Variants in GLG1 observed in about 807,000 individuals in gnomAD.
GLG1 encodes golgi glycoprotein 1.
In GLG1, 38 loss-of-function variants were observed where a neutral mutation model predicts 160.5. That is an observed-to-expected ratio of 0.24 (90% CI 0.18 to 0.31). GLG1 has a LOEUF of 0.31. Among genes scored for constraint, GLG1 ranks in the 10% least tolerant of loss-of-function variants. The pLI, the probability that GLG1 is intolerant of heterozygous loss-of-function variation, is 1.00. For synonymous variants in GLG1, 644 were observed against 543.4 expected (o/e 1.19, Z -2.57); for missense variants, 1,373 against 1,505.2 (o/e 0.91, Z 1.45).
chr16:74,542,526 C>G (rs184817042), intron 1 of GLG1, among the ~76,000 whole-genome samples: 3 of 151,572 alleles, frequency 2.0e-5, no homozygotes, highest in Admixed American at 6.6e-5. Flanking sequence ...AAAAAATTAG[C>G]TGGGCATGGT....
At chr16:74,585,395 C>T (rs571200605) in intron 1 of GLG1, among the ~76,000 whole-genome samples, 2 of 151,990 alleles carry the variant, frequency 1.3e-5, no homozygotes, top group South Asian at 2.1e-4. Flanking sequence ...GGCAACAGAG[C>T]GAGACTCTGT....
chr16:74,599,808 G>A (rs1361447774), intron 1 of GLG1, among the ~76,000 whole-genome samples: 3 of 151,830 alleles, frequency 2.0e-5, no homozygotes, highest in Non-Finnish European at 2.9e-5. Flanking sequence ...AGCTTGCAGT[G>A]AGCCGAGATC....
At chr16:74,543,394 G>A (rs1272606557) in intron 1 of GLG1, among the ~76,000 whole-genome samples, 1 of 152,212 alleles carries the variant, frequency 6.6e-6, no homozygotes, top group South Asian at 2.1e-4. Flanking sequence ...TTAAGACCAG[G>A]AGTTGGAGGC....
intron 22 of GLG1, 112 bp downstream of exon 22, chr16:74,461,982 T>G: frequency 1.6e-6 from 1 of 635,372 alleles, no homozygotes; most frequent in Non-Finnish European, 2.8e-6. Context: ...GAAGATGGCC[T>G]TCAATTCACC....
chr16:74,543,901 G>T (rs374931428), intron 1 of GLG1, among the ~76,000 whole-genome samples: 5 of 146,568 alleles, frequency 3.4e-5, no homozygotes, highest in South Asian at 4.3e-4. Context: ...GTGAGAATAG[G>T]GGGGAGATGG....
chr16:74,463,489 AAC>A lies in GLG1; in HGVS notation c.2668-12_2668-11del, dbSNP rs1359673805. The A allele has an allele frequency of 6.2e-7, 1 of 1,613,574 alleles. No homozygotes were observed. The highest frequency in any genetic ancestry group is 8.5e-7 in the Non-Finnish European group (1 of 1,179,764). On this transcript the variant is annotated splice_polypyrimidine_tract_variant and intron_variant, in intron 19 of 25. Transcript: ENST00000422840. ...CTTCCGGACAGAACCTCTGCAAAGA[AAC>A]AGTTTGATAAAAACAGCTATCTAAA...
At chr16:74,471,518 T>TC (rs1354493578) in intron 14 of GLG1, among the ~76,000 whole-genome samples, 1 of 152,182 alleles carries the variant, frequency 6.6e-6, no homozygotes, top group African/African-American at 2.4e-5. Flanking sequence ...GCTTTTTTTT[T>TC]CACTTTCCGA....
intron 1 of GLG1, among the ~76,000 whole-genome samples, chr16:74,538,728 A>AT (rs58959074): frequency 0.13 from 16,550 of 129,642 alleles, 935 homozygotes; most frequent in Non-Finnish European, 0.14. Flanking sequence ...AGATTTTGAG[A>AT]TTTTTTTTTT....
intron 1 of GLG1, among the ~76,000 whole-genome samples, chr16:74,574,065 G>A (rs2018917099): frequency 6.6e-6 from 1 of 152,100 alleles, no homozygotes; most frequent in South Asian, 2.1e-4. Context: ...GCGTGTGCAC[G>A]CGCACACATA....
chr16:74,469,689 C>G, intron 16 of GLG1: 1 of 400,250 alleles, frequency 2.5e-6, no homozygotes, highest in Non-Finnish European at 4.6e-6. Context: ...TTCACTCACA[C>G]TGCACCCTGC....
At position 74,508,814 on chromosome 16, in the gene GLG1, T is replaced by C. The variant is rs778516199; in HGVS notation, c.558+25A>G. On this transcript the variant is annotated intron_variant, in intron 3 of 25. Coordinates refer to ENST00000422840, the MANE Select transcript of GLG1 (RefSeq NM_001145667.2). ...ATTTTCTCCTCTAAGCCATTAGTTGTCTACAAAATTCTTTGACAACTTACC... is the reference window on the plus strand; with the variant it reads ...ATTTTCTCCTCTAAGCCATTAGTTGCCTACAAAATTCTTTGACAACTTACC... 1.9e-5 allele frequency: 18 copies of C among 950,854 alleles called. No individual in the cohort carries two copies. In the South Asian group the frequency reaches 2.2e-4, roughly 12 times the overall value. 58.9% of individuals were successfully genotyped at this position (950,854 alleles called of 1,614,324 possible). A position where few individuals can be genotyped will look rare whatever the true frequency, so the allele number is the denominator to read the frequency against.
chr16:74,456,815 G>A, intron 24 of GLG1, 60 bp from the exon 25 acceptor site: 1 of 1,026,376 alleles, frequency 9.7e-7, no homozygotes, highest in Non-Finnish European at 1.5e-6. Flanking sequence ...AGAAATTTCT[G>A]TAAAGATGAG....
chr16:74,492,516 C>T (rs2143386994), intron 7 of GLG1, among the ~76,000 whole-genome samples: 1 of 63,658 alleles, frequency 1.6e-5, no homozygotes, highest in South Asian at 6.1e-4. Flanking sequence ...AACCTCATCT[C>T]TATTAAAAAA....
intron 1 of GLG1, among the ~76,000 whole-genome samples, chr16:74,566,008 G>A (rs779347224): frequency 8.5e-5 from 13 of 152,160 alleles, no homozygotes; most frequent in Non-Finnish European, 1.6e-4. Flanking sequence ...TTTGTAGAAC[G>A]TCCCTCAATT....
rs755893128 is a variant in GLG1 at position 74,517,529 on chromosome 16, C to A, written c.472-8604G>T. On this transcript the variant is annotated intron_variant, in intron 2 of 25. Transcript: ENST00000422840. ...GCAAACTAAAAACTCTCAATAAACT[C>A]GGTATCGATGGAACATATCGCAACA... Among the ~76,000 whole-genome samples the A allele has an allele frequency of 1.4e-4, 22 of 152,202 alleles. No individual in the cohort carries two copies. The Middle Eastern group carries it at 0.01, about 71-fold the overall frequency.
chr16:74,506,911 T>C (rs545577318), intron 3 of GLG1, among the ~76,000 whole-genome samples: 6 of 152,266 alleles, frequency 3.9e-5, no homozygotes, highest in East Asian at 1.9e-4. Context: ...GGGGAGCAGA[T>C]TGAAAAGGTA....
At chr16:74,495,952 A>C (rs1303405925) in intron 5 of GLG1, among the ~76,000 whole-genome samples, 2 of 152,058 alleles carry the variant, frequency 1.3e-5, no homozygotes, top group Admixed American at 1.3e-4. Flanking sequence ...TTGATGGCTT[A>C]TTTTACGTTA....
intron 17 of GLG1, chr16:74,468,515 C>G (rs865959290): frequency 1.2e-5 from 2 of 163,854 alleles, no homozygotes; most frequent in South Asian, 3.5e-4. Flanking sequence ...GAATTACAGG[C>G]ATGAGCCACC....
chr16:74,524,492 T>C (rs905283888), intron 2 of GLG1, among the ~76,000 whole-genome samples: 4 of 152,180 alleles, frequency 2.6e-5, no homozygotes, highest in Non-Finnish European at 5.9e-5. Flanking sequence ...TTTGATGATG[T>C]TAAAGAATTA....
Sources: allele counts gnomAD v4.1 joint callset (sites outside exome capture counted in the v4.1 genomes callset), GRCh38; gene constraint gnomAD v4.1.1; transcripts MANE v1.5; gene names NCBI Gene and HGNC (gene_info 2026-07-23, HGNC 2026-07-21).